Variants in CPE observed in about 807,000 individuals in gnomAD.
CPE encodes carbocypeptidase E.
Under a neutral mutation model 53.5 loss-of-function variants are expected in CPE, and 17 were observed. That is an observed-to-expected ratio of 0.32 (90% confidence interval 0.22 to 0.48). The LOEUF is 0.48. CPE is among the 20% of genes least tolerant of loss of function. CPE has a pLI of 0.99. For missense variants in CPE, 524 were observed against 614.7 expected (o/e 0.85, Z 1.56); for synonymous variants, 226 against 228.8 (o/e 0.99, Z 0.11).
At chr4:165,394,830 T>C (rs1287125439) in intron 1 of CPE, among the ~76,000 whole-genome samples, 1 of 152,122 alleles carries the variant, frequency 6.6e-6, no homozygotes, top group Non-Finnish European at 1.5e-5. Context: ...TATTTCCAGG[T>C]TTGTGAAAGT....
chr4:165,471,212 G>A (rs1732200445), intron 3 of CPE, among the ~76,000 whole-genome samples: 1 of 152,156 alleles, frequency 6.6e-6, no homozygotes, highest in Non-Finnish European at 1.5e-5. Context: ...CAATTCCAAT[G>A]TGTTCCCAGA....
Position 165,495,572 on chromosome 4 carries a change from T to C in CPE, c.1227T>C (p.Asp409=), listed in dbSNP as rs1732693175. ...GCCTTCCTACAGCAAAGGATGGTGA[T>C]TACTGGAGATTGCTTATACCTGGAA... The part of the protein sequence containing the change: ...DHDVTSAKDG[D]YWRLLIPGNY... Residue 409 remains aspartate, a synonymous_variant, in exon 8 of 9, where the codon GAT becomes GAC. Transcript: ENST00000402744. The C allele has an allele frequency of 6.2e-7, 1 of 1,610,896 alleles. No individual in the cohort carries two copies. Among genetic ancestry groups the C allele is most frequent in the Non-Finnish European group, 8.5e-7 (1 of 1,177,894 alleles).
At chr4:165,421,682 A>G (rs1349344655) in intron 1 of CPE, among the ~76,000 whole-genome samples, 1 of 152,202 alleles carries the variant, frequency 6.6e-6, no homozygotes, top group Non-Finnish European at 1.5e-5. Flanking sequence ...GATTTAGGCT[A>G]AACATTGTGC....
intron 1 of CPE, among the ~76,000 whole-genome samples, chr4:165,390,531 A>G (rs1181075457): frequency 6.6e-6 from 1 of 152,214 alleles, no homozygotes; most frequent in East Asian, 1.9e-4. Context: ...GTTAATGCAT[A>G]GGAAGAATTC....
chr4:165,394,834 T>C (rs1730738756), intron 1 of CPE, among the ~76,000 whole-genome samples: 1 of 152,132 alleles, frequency 6.6e-6, no homozygotes, highest in South Asian at 2.1e-4. Context: ...TCCAGGTTTG[T>C]GAAAGTTTTA....
chr4:165,443,496 A>T lies in CPE; in HGVS notation c.308-20894A>T, dbSNP rs79245691. ...TCTGGAGACTGGAAGTCTGAGATCA[A>T]AGGCAGGCAGGTTTGTTTTCTCCTG... On this transcript the variant is annotated intron_variant, in intron 1 of 8. Transcript: ENST00000402744. Among the ~76,000 whole-genome samples the T allele has an allele frequency of 4.1e-3, 620 of 152,322 alleles. 3 individuals are homozygous for T. The highest frequency in any genetic ancestry group is 7.8e-3 in the Non-Finnish European group (531 of 68,034).
intron 1 of CPE, among the ~76,000 whole-genome samples, chr4:165,448,849 A>G (rs936209235): frequency 1.3e-5 from 2 of 152,192 alleles, no homozygotes; most frequent in Admixed American, 6.5e-5. Context: ...TTGATTATGG[A>G]GACAGAGTCA....
chr4:165,379,046 C>A lies in CPE; in HGVS notation c.-176C>A. On this transcript the variant is annotated 5_prime_UTR_variant, in exon 1 of 9. Transcript: ENST00000402744. This position sits in a 1 kb window ranked among gnomAD's most constrained non-coding sequence, Gnocchi z 6.0. ...GTGGAGCCGCGGCTTTGCCCGTCTCCTCTGGGTGGCCCCAGTGCGCGGGCT... is the reference window on the plus strand; with the variant it reads ...GTGGAGCCGCGGCTTTGCCCGTCTCATCTGGGTGGCCCCAGTGCGCGGGCT... The A allele has an allele frequency of 2.0e-6, 1 of 496,740 alleles. No individual in the cohort carries two copies. Among genetic ancestry groups the A allele is most frequent in the Non-Finnish European group, 3.0e-6 (1 of 329,946 alleles). 30.8% of individuals were successfully genotyped at this position (496,740 alleles called of 1,614,324 possible). A position where few individuals can be genotyped will look rare whatever the true frequency, so the allele number is the denominator to read the frequency against.
intron 1 of CPE, among the ~76,000 whole-genome samples, chr4:165,426,558 C>CTTTCAG (rs70955618): frequency 0.3 from 44,855 of 151,962 alleles, 6,695 homozygotes; most frequent in Middle Eastern, 0.39. Flanking sequence ...ATTGACTTTA[C>CTTTCAG]TTTCAGTGGC....
rs3073916 is a variant in CPE at position 165,410,822 on chromosome 4, CTG to C, written c.307+31314_307+31315del. Among the ~76,000 whole-genome samples the C allele has an allele frequency of 8.0e-4, 120 of 150,360 alleles. 1 individual carries two copies. The highest frequency in any genetic ancestry group is 1.5e-3 in the African/African-American group (63 of 41,008). The stretch of plus-strand genomic sequence containing the variant: ...TTTTAGATTTAGGAAGGCAGAAAGA[CTG>C]TGTGTGTGTGTGTGTGTGTTTGTGT... On this transcript the variant is annotated intron_variant, in intron 1 of 8. Transcript: ENST00000402744.
chr4:165,442,019 G>GTT (rs1388736727), intron 1 of CPE, among the ~76,000 whole-genome samples: 10 of 94,228 alleles, frequency 1.1e-4, no homozygotes, highest in African/African-American at 4.1e-4. Context: ...AAGACGGTGA[G>GTT]TTTGTTTTTT....
chr4:165,461,188 G>GAGAAAGAAAAAGAA (rs1553976644), intron 1 of CPE, among the ~76,000 whole-genome samples: 1 of 81,210 alleles, frequency 1.2e-5, no homozygotes, highest in African/African-American at 5.3e-5. Context: ...AAAAAAAAAA[G>GAGAAAGAAAAAGAA]AAAGAAAGAA....
intron 3 of CPE, among the ~76,000 whole-genome samples, chr4:165,477,739 A>AAG (rs899726546): frequency 1.4e-4 from 21 of 151,998 alleles, no homozygotes; most frequent in Non-Finnish European, 2.6e-4. Flanking sequence ...GAAAAAAAAA[A>AAG]AAGAAATTCA....
At chr4:165,423,051 G>A (rs930956856) in intron 1 of CPE, among the ~76,000 whole-genome samples, 4 of 151,412 alleles carry the variant, frequency 2.6e-5, no homozygotes, top group Non-Finnish European at 4.4e-5. Context: ...AGGGAGGGGT[G>A]TTCCAGATAA....
intron 3 of CPE, among the ~76,000 whole-genome samples, chr4:165,475,050 G>A (rs1732270440): frequency 6.6e-6 from 1 of 152,166 alleles, no homozygotes; most frequent in Non-Finnish European, 1.5e-5. Flanking sequence ...CTCATGGAAA[G>A]CTTTCATATG....
rs755610315 is a variant in CPE, at chr4:165,484,537, G to A, written c.906G>A (p.Lys302=). The change falls in exon 5 of 9, where the codon AAG becomes AAA. Residue 302 remains lysine (K), a synonymous_variant. Transcript: ENST00000402744. The stretch of plus-strand genomic sequence containing the variant: ...ACCCCAATCGGCCACCATGTCGCAA[G>A]AATGATGATGACAGCAGCTTTGTAG... ...MSDPNRPPCR[K]NDDDSSFVDG... The A allele has an allele frequency of 1.9e-6, 3 of 1,614,026 alleles. No individual in the cohort carries two copies. In the Admixed American group the frequency reaches 5.0e-5, roughly 27 times the overall value.
intron 1 of CPE, among the ~76,000 whole-genome samples, chr4:165,403,821 C>A (rs2126663046): frequency 6.6e-6 from 1 of 152,248 alleles, no homozygotes; most frequent in Middle Eastern, 3.4e-3. Flanking sequence ...CTCTAGGCCT[C>A]AGGGCTTATA....
At chr4:165,424,923 A>G (rs773774078) in intron 1 of CPE, among the ~76,000 whole-genome samples, 4 of 143,458 alleles carry the variant, frequency 2.8e-5, no homozygotes, top group Non-Finnish European at 4.5e-5. Context: ...CGCCCAGGCT[A>G]GCATGCAGTG....
At chr4:165,477,513 T>C (rs1732324701) in intron 3 of CPE, among the ~76,000 whole-genome samples, 1 of 152,312 alleles carries the variant, frequency 6.6e-6, no homozygotes, top group Admixed American at 6.5e-5. Flanking sequence ...AGACAGTGTT[T>C]TGACCCAGCT....
Sources: allele counts gnomAD v4.1 joint callset (sites outside exome capture counted in the v4.1 genomes callset), GRCh38; gene constraint gnomAD v4.1.1; non-coding constraint Gnocchi (gnomAD v3.1); transcripts MANE v1.5; gene names NCBI Gene and HGNC (gene_info 2026-07-23, HGNC 2026-07-21).